STOX2: variants seen among roughly 807,000 people sequenced by gnomAD.
STOX2 encodes storkhead box 2, also known as storkhead-box protein 2.
A neutral mutation model predicts 60.9 loss-of-function variants in STOX2; 28 were observed. That is an observed-to-expected ratio of 0.46 (90% CI 0.34 to 0.63). STOX2 has a LOEUF of 0.63. STOX2 is among the 30% of genes least tolerant of loss of function. The pLI is 0.01. For missense variants in STOX2, 1,024 were observed against 1,187.7 expected (o/e 0.86, Z 2.03); for synonymous variants, 472 against 463.9 (o/e 1.02, Z -0.22).
chr4:184,004,860 G>T (rs1321166348), intron 2 of STOX2, among the ~76,000 whole-genome samples: 1 of 152,204 alleles, frequency 6.6e-6, no homozygotes, highest in African/African-American at 2.4e-5. Context: ...CTGTTAAGCT[G>T]TTACAACTGA....
At chr4:183,955,723 T>G (rs1743225565) in intron 1 of STOX2, among the ~76,000 whole-genome samples, 1 of 152,206 alleles carries the variant, frequency 6.6e-6, no homozygotes. Flanking sequence ...TGGGAGAGGA[T>G]TGTTCTGTTC....
intron 2 of STOX2, among the ~76,000 whole-genome samples, chr4:184,002,208 T>C (rs1483438851): frequency 6.6e-6 from 1 of 151,938 alleles, no homozygotes; most frequent in African/African-American, 2.4e-5. Flanking sequence ...TATTGACAAT[T>C]GTGTGTGTGT....
intron 1 of STOX2, among the ~76,000 whole-genome samples, chr4:183,858,149 A>T (rs1470015907): frequency 1.3e-5 from 2 of 152,100 alleles, no homozygotes; most frequent in Non-Finnish European, 2.9e-5. Context: ...GCCTGACCTC[A>T]CTGCACAGCC....
chr4:183,913,326 G>A (rs1741836386), intron 1 of STOX2, among the ~76,000 whole-genome samples: 1 of 152,160 alleles, frequency 6.6e-6, no homozygotes, highest in Non-Finnish European at 1.5e-5. Flanking sequence ...TGTGATTTGG[G>A]GAGAGAAATG....
At chr4:183,883,169 A>G (rs1320263340) in intron 1 of STOX2, among the ~76,000 whole-genome samples, 2 of 152,168 alleles carry the variant, frequency 1.3e-5, no homozygotes, top group Non-Finnish European at 2.9e-5. Context: ...TCTAGACATC[A>G]TATTAATTCA....
chr4:183,877,054 T>G lies in STOX2; in HGVS notation c.364+78999T>G, dbSNP rs1420078148. On this transcript the variant is annotated intron_variant, in intron 1 of 2. Coordinates refer to the STOX2 transcript ENST00000513034. Reference sequence around the variant, plus strand: ...ATACTATGAGACTGTGTTTTTTGGGTTTTTTTAATGCTATAAATCTGTAAA... The same window carrying G: ...ATACTATGAGACTGTGTTTTTTGGGGTTTTTTAATGCTATAAATCTGTAAA... Among the ~76,000 whole-genome samples, 4 of 152,264 alleles carry G rather than the reference T, an allele frequency of 2.6e-5. No homozygotes were observed. In the South Asian group the frequency reaches 6.2e-4, roughly 24 times the overall value.
intron 1 of STOX2, among the ~76,000 whole-genome samples, chr4:183,921,668 A>G (rs1742102144): frequency 6.6e-6 from 1 of 152,230 alleles, no homozygotes; most frequent in Non-Finnish European, 1.5e-5. Flanking sequence ...ATTTAATATA[A>G]TACAAATAAA....
At chr4:183,871,438 T>G (rs1472849588) in intron 1 of STOX2, among the ~76,000 whole-genome samples, 1 of 152,216 alleles carries the variant, frequency 6.6e-6, no homozygotes, top group Non-Finnish European at 1.5e-5. Context: ...ATTACACTAA[T>G]TGCTTTTAAT....
chr4:183,944,441 C>T (rs988484783), intron 1 of STOX2, among the ~76,000 whole-genome samples: 4 of 152,218 alleles, frequency 2.6e-5, no homozygotes, highest in Non-Finnish European at 4.4e-5. Context: ...GAGAGCTGGG[C>T]ATGGTGGCTC....
At chr4:183,896,503 G>A (rs550599164) in intron 1 of STOX2, among the ~76,000 whole-genome samples, 20 of 152,174 alleles carry the variant, frequency 1.3e-4, no homozygotes, top group South Asian at 2.1e-4. Flanking sequence ...CACCATACCC[G>A]GATAATTTTT....
intron 1 of STOX2, among the ~76,000 whole-genome samples, chr4:183,948,969 T>C (rs1742986966): frequency 6.6e-6 from 1 of 152,232 alleles, no homozygotes; most frequent in South Asian, 2.1e-4. Context: ...CTCTTGGCTG[T>C]AATCTATCCA....
chr4:183,980,720 G>T (rs10010202), intron 1 of STOX2, among the ~76,000 whole-genome samples: 12,671 of 151,582 alleles, frequency 0.084, 914 homozygotes, highest in African/African-American at 0.2. Context: ...TTAGAAGTAT[G>T]GTGATACTTT....
intron 1 of STOX2, among the ~76,000 whole-genome samples, chr4:183,861,954 C>G (rs1424033829): frequency 6.6e-6 from 1 of 152,100 alleles, no homozygotes; most frequent in Non-Finnish European, 1.5e-5. Flanking sequence ...CCTCATCCCT[C>G]CCCGTCCACA....
chr4:183,983,218 T>C lies in STOX2; in HGVS notation c.167-18107T>C, dbSNP rs908995776. On this transcript the variant is annotated intron_variant, in intron 1 of 3. Coordinates refer to ENST00000308497, the MANE Select transcript of STOX2 (RefSeq NM_020225.3). ...TCCTGTGTGGCTGCCTCAGTGCCTC[T>C]TCCTTCCTGAAGCACCTCTCAGTTC... Among the ~76,000 whole-genome samples the C allele has an allele frequency of 2.0e-5, 3 of 152,208 alleles. No individual in the cohort carries two copies. In the South Asian group the frequency reaches 6.2e-4, roughly 31 times the overall value.
intron 1 of STOX2, chr4:183,798,539 T>G (rs1395655864): frequency 2.4e-6 from 2 of 848,816 alleles, no homozygotes; most frequent in Non-Finnish European, 2.8e-6. Flanking sequence ...GGGCGGCGAC[T>G]GCGGGGGACG....
chr4:183,807,752 G>A (rs1317157443), intron 1 of STOX2, among the ~76,000 whole-genome samples: 1 of 152,180 alleles, frequency 6.6e-6, no homozygotes, highest in Non-Finnish European at 1.5e-5. Flanking sequence ...TGAAGCAGTG[G>A]GCTGTCAGCA....
At chr4:184,007,032 A>T (rs942796726) in intron 2 of STOX2, among the ~76,000 whole-genome samples, 2 of 120,322 alleles carry the variant, frequency 1.7e-5, no homozygotes, top group Admixed American at 8.8e-5. Context: ...AAAAAAAAAA[A>T]CAAAACAAAA....
intron 1 of STOX2, among the ~76,000 whole-genome samples, chr4:183,853,030 C>T (rs1240470500): frequency 6.6e-6 from 1 of 152,188 alleles, no homozygotes; most frequent in African/African-American, 2.4e-5. Flanking sequence ...GGAATAATCG[C>T]ACGCAGGAAC....
chr4:183,955,429 C>G (rs1036636936), intron 1 of STOX2, among the ~76,000 whole-genome samples: 1 of 152,154 alleles, frequency 6.6e-6, no homozygotes, highest in African/African-American at 2.4e-5. Flanking sequence ...TGCCAGATTC[C>G]CACCAGAATT....
Sources: gnomAD v4.1 joint callset for allele counts (sites outside exome capture counted in the v4.1 genomes callset) on GRCh38, gnomAD v4.1.1 for gene constraint, MANE v1.5 for transcripts, NCBI Gene and HGNC (gene_info 2026-07-23, HGNC 2026-07-21) for gene names.